Variants in LYST observed in about 807,000 individuals in gnomAD.
LYST encodes lysosomal trafficking regulator.
A neutral mutation model predicts 413.6 loss-of-function variants in LYST; 192 were observed. The observed-to-expected ratio is 0.46, with a 90% confidence interval of 0.41 to 0.52. The LOEUF is 0.52. LYST is among the 20% of genes least tolerant of loss of function. The probability of loss-of-function intolerance (pLI) is 0.00; values close to 1 mark genes in which losing one functional copy is unlikely to be tolerated. For synonymous variants in LYST, 1,525 were observed against 1,567.3 expected (o/e 0.97, Z 0.64); for missense variants, 3,815 against 4,499.9 (o/e 0.85, Z 4.35).
chr1:235,744,296 A>C, intron 29 of LYST, 139 bp from the exon 30 acceptor site: 1 of 615,774 alleles, frequency 1.6e-6, no homozygotes, highest in East Asian at 2.8e-5. Context: ...CAGGTGTATT[A>C]GATGTAATAG....
rs776531402 is a variant in LYST at position 235,809,161 on chromosome 1, A to C, written c.1657T>G (p.Cys553Gly). 2.8e-5 allele frequency: 45 copies of C among 1,613,938 alleles called. No individual in the cohort carries two copies. Among genetic ancestry groups the C allele is most frequent in the Non-Finnish European group, 3.7e-5 (44 of 1,179,964 alleles). Residue 553 changes from cysteine (C) to glycine (G), a missense_variant, in exon 5 of 53, where the codon TGT (cysteine) becomes GGT (glycine). Transcript: ENST00000389793. This position sits in a 1 kb window ranked among gnomAD's most constrained non-coding sequence, Gnocchi z 4.0. ...AGTAAGCGCAAGCACTGATGGGCAC[A>C]CACTGCAATGCAACAGCACCGCTCA... ...YPERCCCIAVCAHQCLRLLQQ... is the reference protein window; with the variant it reads ...YPERCCCIAVGAHQCLRLLQQ...
chr1:235,765,980 G>A, intron 21 of LYST, 99 bp downstream of exon 21: 1 of 920,802 alleles, frequency 1.1e-6, no homozygotes, highest in Non-Finnish European at 1.8e-6. Context: ...AATTAGAGCA[G>A]CACAGAGGCC....
chr1:235,757,670 AATTGT>A (rs1667168794), intron 23 of LYST, among the ~76,000 whole-genome samples: 1 of 152,190 alleles, frequency 6.6e-6, no homozygotes. Flanking sequence ...AACACTATTC[AATTGT>A]ACATCTCTGA....
chr1:235,752,910 T>A, intron 26 of LYST, 134 bp downstream of exon 26: 1 of 524,782 alleles, frequency 1.9e-6, no homozygotes, highest in Non-Finnish European at 3.4e-6. Flanking sequence ...TTTTTTACTT[T>A]TATTTTAGGT....
chr1:235,734,091 A>G (rs955972095), intron 32 of LYST, among the ~76,000 whole-genome samples, 185 bp from the exon 33 acceptor site: 1 of 152,164 alleles, frequency 6.6e-6, no homozygotes, highest in African/African-American at 2.4e-5. Context: ...TTCTGTGTCT[A>G]TATAATTTAG....
chr1:235,827,818 T>C, intron 3 of LYST: 1 of 811,032 alleles, frequency 1.2e-6, no homozygotes, highest in African/African-American at 1.9e-5. Context: ...ATATATCTTA[T>C]GACTTAAAAG....
At chr1:235,745,315 T>C (rs1424205747) in intron 29 of LYST, among the ~76,000 whole-genome samples, 1 of 152,180 alleles carries the variant, frequency 6.6e-6, no homozygotes. Context: ...ACATTTTAAG[T>C]TTGTACATAT....
chr1:235,801,385 TA>T (rs200307830), intron 8 of LYST, among the ~76,000 whole-genome samples: 47 of 143,396 alleles, frequency 3.3e-4, no homozygotes, highest in Admixed American at 3.5e-4. Flanking sequence ...GACACAACTT[TA>T]AAAAAAAAAA....
intron 19 of LYST, among the ~76,000 whole-genome samples, chr1:235,771,653 A>G (rs1299467739): frequency 2.6e-5 from 4 of 152,106 alleles, no homozygotes; most frequent in Non-Finnish European, 5.9e-5. Context: ...AAGGCATCAC[A>G]ACCAATTACA....
chr1:235,737,283 T>C (rs993346192), intron 31 of LYST: 1 of 152,166 alleles, frequency 6.6e-6, no homozygotes, highest in Non-Finnish European at 1.5e-5. Context: ...AAATAAGTGA[T>C]TATGTTAATG....
chr1:235,883,026 T>A (rs993208473), intron 1 of LYST, among the ~76,000 whole-genome samples: 16 of 152,000 alleles, frequency 1.1e-4, no homozygotes, highest in African/African-American at 3.9e-4. Flanking sequence ...GCAAGCAGTC[T>A]GCAGGGGCCA....
intron 1 of LYST, among the ~76,000 whole-genome samples, chr1:235,852,635 G>C (rs1180251358): frequency 1.3e-5 from 2 of 152,146 alleles, no homozygotes; most frequent in Non-Finnish European, 2.9e-5. Context: ...ATACTCAAAA[G>C]ACATTTTTTC....
chr1:235,792,506 G>A (rs1425261978), intron 11 of LYST, among the ~76,000 whole-genome samples: 2 of 151,856 alleles, frequency 1.3e-5, no homozygotes, highest in African/African-American at 4.8e-5. Flanking sequence ...GTAGAGACGA[G>A]GTTTCATCAT....
At chr1:235,666,079 G>C (rs1658427265) in intron 50 of LYST, among the ~76,000 whole-genome samples, 1 of 152,030 alleles carries the variant, frequency 6.6e-6, no homozygotes, top group African/African-American at 2.4e-5. Flanking sequence ...TATAAACAAT[G>C]CTTCTTTATT....
At chr1:235,787,516 G>T in intron 13 of LYST, 143 bp from the exon 14 acceptor site, 1 of 715,648 alleles carries the variant, frequency 1.4e-6, no homozygotes, top group South Asian at 1.6e-5. Context: ...AAGTCAGTAG[G>T]TCTTCGTTTT....
intron 46 of LYST, among the ~76,000 whole-genome samples, chr1:235,695,470 G>A (rs1661015785): frequency 6.6e-6 from 1 of 152,170 alleles, no homozygotes; most frequent in Admixed American, 6.5e-5. Flanking sequence ...TGTAATTTGA[G>A]CGAACATAGC....
At position 235,752,029 on chromosome 1, in the gene LYST, T is replaced by C. The variant is rs1211533209; in HGVS notation, c.7603A>G (p.Asn2535Asp). 1 of 1,610,752 alleles carries C rather than the reference T, an allele frequency of 6.2e-7. No homozygotes were observed. Among genetic ancestry groups the C allele is most frequent in the African/African-American group, 1.3e-5 (1 of 74,834 alleles). The change falls in exon 27 of 53, where the codon AAT (asparagine) becomes GAT (aspartate). Residue 2535 changes from asparagine (N) to aspartate (D), a missense_variant. Asn to Asp is a conservative substitution (Grantham distance 23). Around this residue, in one of 4 missense-constraint regions of LYST, gnomAD observed 771 missense variants for 837.1 expected, o/e 0.92. Transcript: ENST00000389793. ...DLIVMLGYLQ[N>D]SKNKRTQNMA... ...CTTTGTGTCCTCTTGTTTTTGCTAT[T>C]TTGAAGATATCCAAGCATTACAATA... is the stretch of plus-strand genomic sequence containing the variant.
At chr1:235,712,218 T>A in intron 42 of LYST, 21 bp from the exon 43 acceptor site, 2 of 1,533,096 alleles carry the variant, frequency 1.3e-6, no homozygotes, top group Non-Finnish European at 1.8e-6. Context: ...ATACAAATAA[T>A]ACGATTAAGA....
In LYST at chr1:235,791,197, G is replaced by A. The variant is rs570044195; in HGVS notation, c.4543+502C>T. Among the ~76,000 whole-genome samples the A allele has an allele frequency of 3.3e-5, 5 of 152,128 alleles. No homozygotes were observed. In the South Asian group the frequency reaches 6.2e-4, roughly 19 times the overall value. ...TTCGGGAGGCTGAGGCAGGAGAATC[G>A]CTTGAACCTGGGAGGCGGAGGTTGC... On this transcript the variant is annotated intron_variant, in intron 12 of 52. Coordinates refer to ENST00000389793, the MANE Select transcript of LYST (RefSeq NM_000081.4).
Sources: gnomAD v4.1 joint callset for allele counts (sites outside exome capture counted in the v4.1 genomes callset) on GRCh38, gnomAD v4.1.1 for gene constraint, gnomAD v4.1.1 regional missense constraint, Gnocchi (gnomAD v3.1) non-coding constraint, MANE v1.5 for transcripts, NCBI Gene and HGNC (gene_info 2026-07-23, HGNC 2026-07-21) for gene names.